Variants in ANKRD17 observed in about 807,000 individuals in gnomAD.
ANKRD17 encodes the protein ankyrin repeat domain-containing protein 17.
A neutral mutation model predicts 229.7 loss-of-function variants in ANKRD17; 19 were observed. The observed-to-expected ratio is 0.08, with a 90% CI of 0.06 to 0.12. The LOEUF is 0.12. Among genes scored for constraint, ANKRD17 ranks in the 10% least tolerant of loss-of-function variants. The pLI is 1.00. For missense variants in ANKRD17, 2,176 were observed against 3,176.8 expected (o/e 0.68, Z 7.57); for synonymous variants, 1,112 against 1,146.1 (o/e 0.97, Z 0.60).
At chr4:73,210,544 A>C (rs1423470250) in intron 1 of ANKRD17, among the ~76,000 whole-genome samples, 1 of 152,216 alleles carries the variant, frequency 6.6e-6, no homozygotes, top group Admixed American at 6.5e-5. Context: ...AGAAGCCACA[A>C]GTTTGGAACC....
At chr4:73,174,199 A>G (rs1376132378) in intron 2 of ANKRD17, among the ~76,000 whole-genome samples, 2 of 152,146 alleles carry the variant, frequency 1.3e-5, no homozygotes, top group Admixed American at 6.6e-5. Flanking sequence ...ATACTAGCTA[A>G]CAGAATCCAA....
intron 24 of ANKRD17, among the ~76,000 whole-genome samples, chr4:73,103,802 C>G (rs557623066): frequency 6.6e-6 from 1 of 151,140 alleles, no homozygotes; most frequent in African/African-American, 2.4e-5. Flanking sequence ...TACTCTCTGT[C>G]CTGCCTTTCA....
At chr4:73,168,954 T>C (rs562749113) in intron 2 of ANKRD17, 1 of 152,326 alleles carries the variant, frequency 6.6e-6, no homozygotes, top group East Asian at 1.9e-4. Context: ...AAGTAGGCCC[T>C]GGTGCCTATT....
At chr4:73,183,662 G>A (rs1221785869) in intron 1 of ANKRD17, among the ~76,000 whole-genome samples, 5 of 152,098 alleles carry the variant, frequency 3.3e-5, no homozygotes, top group Non-Finnish European at 7.4e-5. Flanking sequence ...TTTTGGTAGA[G>A]ATGAGTTTTC....
intron 1 of ANKRD17, among the ~76,000 whole-genome samples, chr4:73,225,811 G>A (rs1190896915): frequency 2.4e-5 from 3 of 125,590 alleles, no homozygotes; most frequent in African/African-American, 8.9e-5. Flanking sequence ...GCAGTGAGTC[G>A]AGATCACGCC....
chr4:73,161,132 C>T, intron 3 of ANKRD17, 60 bp downstream of exon 3: 1 of 1,577,894 alleles, frequency 6.3e-7, no homozygotes, highest in Admixed American at 1.8e-5. Flanking sequence ...TAAATGTTAG[C>T]TATTTGTTAT....
rs1410620239 is a variant in ANKRD17, at chr4:73,092,331, A to T, written c.5328-31T>A. The T allele has an allele frequency of 1.9e-6, 3 of 1,554,114 alleles. No individual in the cohort carries two copies. The South Asian group carries it at 3.7e-5, about 19-fold the overall frequency. On this transcript the variant is annotated intron_variant, in intron 28 of 33. Coordinates refer to ENST00000358602, the MANE Select transcript of ANKRD17 (RefSeq NM_032217.5). The stretch of plus-strand genomic sequence containing the variant: ...AATTGAGAAAAAAAAATTAGGTAGA[A>T]TTTTCCCTACTTTTGAGTATGTAAA...
intron 1 of ANKRD17, among the ~76,000 whole-genome samples, chr4:73,235,124 T>C (rs903127023): frequency 1.1e-4 from 16 of 152,172 alleles, no homozygotes; most frequent in Admixed American, 3.3e-4. Flanking sequence ...CAACATGTTT[T>C]CTCCCTGACC....
intron 2 of ANKRD17, among the ~76,000 whole-genome samples, chr4:73,162,904 AG>A (rs1244103634): frequency 6.6e-6 from 1 of 151,942 alleles, no homozygotes; most frequent in African/African-American, 2.4e-5. Context: ...TGGTTGCCCA[AG>A]CTGAAGTACA....
intron 1 of ANKRD17, among the ~76,000 whole-genome samples, chr4:73,180,934 A>C (rs1486240109): frequency 1.3e-5 from 2 of 152,196 alleles, no homozygotes; most frequent in Non-Finnish European, 2.9e-5. Context: ...TGTAAAAACA[A>C]ACACTTTTTT....
intron 21 of ANKRD17, among the ~76,000 whole-genome samples, chr4:73,119,175 C>A (rs1489374550): frequency 6.6e-6 from 1 of 152,068 alleles, no homozygotes. Flanking sequence ...GCATTGTCAC[C>A]ACACCTAGCC....
chr4:73,086,180 A>T (rs991440504), intron 29 of ANKRD17, among the ~76,000 whole-genome samples: 2 of 152,196 alleles, frequency 1.3e-5, no homozygotes, highest in African/African-American at 4.8e-5. Context: ...TTTCTGTCAA[A>T]GTGGACTTTT....
At chr4:73,089,144 C>T (rs1362902810) in intron 29 of ANKRD17, among the ~76,000 whole-genome samples, 2 of 150,760 alleles carry the variant, frequency 1.3e-5, no homozygotes, top group Admixed American at 1.3e-4. Context: ...CTCAAGTCAT[C>T]CTTCCACCTC....
In ANKRD17 at chr4:73,161,267, C is replaced by G. The variant is rs1468690559; in HGVS notation, c.629G>C (p.Cys210Ser). ...VLRRLTSSVS[C>S]ALDEAAAALT... ...TGCAGCAGCAGCTTCATCCAACGCA[C>G]AACTAACAGACGATGTCAACCTCCG... The change falls in exon 3 of 34, where the codon TGT becomes TCT. Residue 210 changes from cysteine (C) to serine (S), a missense_variant. By Grantham distance (112) the Cys-to-Ser change is moderately radical. This residue lies in a region of ANKRD17 where 184 missense variants were observed against 357.8 expected (regional missense o/e 0.51). Coordinates refer to ENST00000358602, the MANE Select transcript of ANKRD17 (RefSeq NM_032217.5). 1 of 1,614,232 alleles carries G rather than the reference C, an allele frequency of 6.2e-7. No individual in the cohort carries two copies. The highest frequency in any genetic ancestry group is 8.5e-7 in the Non-Finnish European group (1 of 1,180,046).
chr4:73,237,508 G>A (rs897824917), intron 1 of ANKRD17, among the ~76,000 whole-genome samples: 1 of 152,196 alleles, frequency 6.6e-6, no homozygotes, highest in Non-Finnish European at 1.5e-5. Context: ...GAGTGGTAGA[G>A]AGGATCTTGG....
intron 18 of ANKRD17, among the ~76,000 whole-genome samples, chr4:73,122,953 T>C (rs1298498736): frequency 6.6e-6 from 1 of 152,120 alleles, no homozygotes. Flanking sequence ...ATGATTTTTA[T>C]AGTAAAATGA....
intron 1 of ANKRD17, among the ~76,000 whole-genome samples, chr4:73,211,405 T>C (rs1376581778): frequency 6.6e-6 from 1 of 152,196 alleles, no homozygotes; most frequent in African/African-American, 2.4e-5. Context: ...ATATAATGTA[T>C]AGTTCAAAGC....
chr4:73,099,807 C>G (rs754116617), intron 25 of ANKRD17, among the ~76,000 whole-genome samples: 1 of 152,214 alleles, frequency 6.6e-6, no homozygotes, highest in Admixed American at 6.5e-5. Context: ...CCTCTTACTT[C>G]CTCTTCACTG....
chr4:73,121,658 G>T lies in ANKRD17; in HGVS notation c.3594C>A (p.Ile1198=). 6.2e-7 allele frequency: 1 copy of T among 1,613,720 alleles called. No individual in the cohort carries two copies. Among genetic ancestry groups the T allele is most frequent in the Non-Finnish European group, 8.5e-7 (1 of 1,179,794 alleles). Reference sequence around the variant, plus strand: ...CTCCTGCATTTAGTAATATTTTGATGATGTTCACATAGCCACCAGAAGCAG... The same window carrying T: ...CTCCTGCATTTAGTAATATTTTGATTATGTTCACATAGCCACCAGAAGCAG... ...SLAASGGYVN[I]IKILLNAGAE... is the part of the protein sequence containing the mutation. The change falls in exon 19 of 34, where the codon ATC becomes ATA. Residue 1198 remains isoleucine (I), a synonymous_variant. Transcript: ENST00000358602.
Sources: gnomAD v4.1 joint callset for allele counts (sites outside exome capture counted in the v4.1 genomes callset) on GRCh38, gnomAD v4.1.1 for gene constraint, gnomAD v4.1.1 regional missense constraint, MANE v1.5 for transcripts, NCBI Gene and HGNC (gene_info 2026-07-23, HGNC 2026-07-21) for gene names.